TOX3: variants seen among roughly 807,000 people sequenced by gnomAD.
TOX3 encodes CAG trinucleotide repeat-containing gene F9 protein.
A neutral mutation model predicts 64.3 loss-of-function variants in TOX3; 22 were observed. That is an observed-to-expected ratio of 0.34 (90% CI 0.24 to 0.49). TOX3 has a LOEUF of 0.49. Ranked by LOEUF, TOX3 falls within the 20% of genes least tolerant of loss-of-function variation. TOX3 has a pLI of 0.99. For missense variants in TOX3, 661 were observed against 714.4 expected, an observed-to-expected ratio of 0.93 and a Z score of 0.85; for synonymous variants, 291 against 273.6, an observed-to-expected ratio of 1.06 and a Z score of -0.63.
At chr16:52,485,036 A>AATATATAT (rs58800489) in intron 1 of TOX3, among the ~76,000 whole-genome samples, 2 of 140,478 alleles carry the variant, frequency 1.4e-5, no homozygotes, top group African/African-American at 5.4e-5. Context: ...ATGTCAGATA[A>AATATATAT]ATATATATAT....
At chr16:52,536,908 T>TTATA (rs201248975) in intron 1 of TOX3, among the ~76,000 whole-genome samples, 2 of 151,158 alleles carry the variant, frequency 1.3e-5, no homozygotes, top group Admixed American at 1.3e-4. Context: ...TTTACATATT[T>TTATA]TATATATATA....
chr16:52,518,505 C>A (rs1962515158), intron 1 of TOX3, among the ~76,000 whole-genome samples: 1 of 152,180 alleles, frequency 6.6e-6, no homozygotes, highest in Non-Finnish European at 1.5e-5. Flanking sequence ...GCGTTCAAAG[C>A]CGGCTACTTG....
chr16:52,542,848 C>G (rs559962743), intron 1 of TOX3, among the ~76,000 whole-genome samples: 299 of 152,266 alleles, frequency 2.0e-3, no homozygotes, highest in African/African-American at 7.1e-3. Flanking sequence ...TGACAAATGA[C>G]AAATTACCCT....
chr16:52,536,396 G>C (rs60939944), intron 1 of TOX3, among the ~76,000 whole-genome samples: 1,966 of 151,492 alleles, frequency 0.013, 41 homozygotes, highest in African/African-American at 0.045. Flanking sequence ...GAAGACATTT[G>C]GGGAGAGGGC....
In TOX3 at chr16:52,464,882, C is replaced by A. The variant is rs34183355; in HGVS notation, c.154-694G>T. On this transcript the variant is annotated intron_variant, in intron 2 of 6. Transcript: ENST00000219746. ...CTGAACATTTTCTACCAGTCTTCGA[C>A]TTTTTAAAGATGATCTAGAGAGCAT... Among the ~76,000 whole-genome samples the A allele has an allele frequency of 5.9e-3, 901 of 151,538 alleles. 4 individuals carry two copies. Among genetic ancestry groups the A allele is most frequent in the Middle Eastern group, 0.014 (4 of 292 alleles).
chr16:52,457,150 T>C (rs1433210121), intron 3 of TOX3, among the ~76,000 whole-genome samples: 1 of 152,252 alleles, frequency 6.6e-6, no homozygotes, highest in Non-Finnish European at 1.5e-5. Context: ...GGAGCAGTGC[T>C]ACATTTATCT....
chr16:52,496,681 T>C (rs1318536404), intron 1 of TOX3, among the ~76,000 whole-genome samples: 1 of 152,222 alleles, frequency 6.6e-6, no homozygotes, highest in Non-Finnish European at 1.5e-5. Context: ...ATCCCACTTT[T>C]ATGGGAAGCA....
chr16:52,493,827 A>G (rs1961766335), intron 1 of TOX3, among the ~76,000 whole-genome samples: 1 of 152,120 alleles, frequency 6.6e-6, no homozygotes, highest in Non-Finnish European at 1.5e-5. Context: ...TTAAGCACAT[A>G]ATTACCCAGA....
At chr16:52,467,592 C>CT (rs1047555792) in intron 2 of TOX3, among the ~76,000 whole-genome samples, 18 of 152,262 alleles carry the variant, frequency 1.2e-4, no homozygotes, top group African/African-American at 4.3e-4. Context: ...AAAATGAGGA[C>CT]TTTATATTAC....
chr16:52,440,243 C>T (rs1187013728), intron 6 of TOX3, among the ~76,000 whole-genome samples: 1 of 152,122 alleles, frequency 6.6e-6, no homozygotes, highest in Non-Finnish European at 1.5e-5. Context: ...AGGCTTCAAG[C>T]CTGCCCCTGC....
intron 1 of TOX3, among the ~76,000 whole-genome samples, chr16:52,487,234 C>G (rs1372092508): frequency 6.6e-6 from 1 of 151,438 alleles, no homozygotes; most frequent in Admixed American, 6.6e-5. Context: ...AGTGACCATG[C>G]ATGGCGCCAA....
At chr16:52,491,679 C>G (rs745956853) in intron 1 of TOX3, among the ~76,000 whole-genome samples, 12 of 152,080 alleles carry the variant, frequency 7.9e-5, no homozygotes, top group Non-Finnish European at 1.3e-4. Context: ...TTTGCTCCCT[C>G]TTTTGTTCTC....
chr16:52,547,386 C>G (rs955609095), upstream of TOX3: 5 of 149,942 alleles, frequency 3.3e-5, no homozygotes, highest in African/African-American at 1.2e-4. Flanking sequence ...CCTTCCCGCT[C>G]CGGTCCTCTT....
intron 5 of TOX3, 67 bp from the exon 6 acceptor site, chr16:52,444,423 A>G: frequency 7.4e-7 from 1 of 1,359,332 alleles, no homozygotes; most frequent in Non-Finnish European, 1.0e-6. Context: ...TAGCTGCTGC[A>G]CAAATTAGGT....
At chr16:52,540,283 G>C (rs1231033948) in intron 1 of TOX3, among the ~76,000 whole-genome samples, 3 of 150,916 alleles carry the variant, frequency 2.0e-5, no homozygotes, top group African/African-American at 4.9e-5. Context: ...CTACTCAGGA[G>C]GCCTGAGTAG....
At chr16:52,508,252 G>A (rs1405960643) in intron 1 of TOX3, among the ~76,000 whole-genome samples, 1 of 152,124 alleles carries the variant, frequency 6.6e-6, no homozygotes, top group Non-Finnish European at 1.5e-5. Flanking sequence ...CAACCATTCT[G>A]GAAAATAATT....
At chr16:52,447,286 C>G (rs569999293) in intron 4 of TOX3, among the ~76,000 whole-genome samples, 1 of 152,140 alleles carries the variant, frequency 6.6e-6, no homozygotes, top group Admixed American at 6.5e-5. Context: ...TCAAAGCCAG[C>G]CTTGGGCAAG....
chr16:52,514,488 G>A (rs556620839), intron 1 of TOX3, among the ~76,000 whole-genome samples: 7 of 152,126 alleles, frequency 4.6e-5, no homozygotes, highest in Non-Finnish European at 8.8e-5. Context: ...TTTAAGAAAT[G>A]AGAAAAATAG....
chr16:52,439,121 C>T lies in TOX3; in HGVS notation c.*104G>A, dbSNP rs1959846563. ...TGAGAGGACCGTTTGATCTGTTACA[C>T]ATTTCTGCATAACCAACACCAACTT... On this transcript the variant is annotated 3_prime_UTR_variant, in exon 7 of 7. Coordinates refer to ENST00000219746, the MANE Select transcript of TOX3 (RefSeq NM_001080430.4). 6.5e-7 allele frequency: 1 copy of T among 1,529,294 alleles called. No homozygotes were observed. The highest frequency in any genetic ancestry group is 1.4e-5 in the African/African-American group (1 of 73,516). 94.7% of individuals were successfully genotyped at this position (1,529,294 alleles called of 1,614,324 possible).
Sources: allele counts gnomAD v4.1 joint callset (sites outside exome capture counted in the v4.1 genomes callset), GRCh38; gene constraint gnomAD v4.1.1; transcripts MANE v1.5; gene names NCBI Gene and HGNC (gene_info 2026-07-23, HGNC 2026-07-21).